PIWIL2: variants seen among roughly 807,000 people sequenced by gnomAD.
PIWIL2 encodes piwi-like protein 2.
Under a neutral mutation model 116.5 loss-of-function variants are expected in PIWIL2, and 81 were observed. The ratio of observed to expected loss-of-function variants is 0.70; its 90% confidence interval spans 0.58 to 0.84. The LOEUF is 0.84. Ranked by LOEUF, PIWIL2 falls within the 40% of genes least tolerant of loss-of-function variation. The probability of loss-of-function intolerance (pLI) is 0.00; values close to 1 mark genes in which losing one functional copy is unlikely to be tolerated. For synonymous variants in PIWIL2, 489 were observed against 429.5 expected, an observed-to-expected ratio of 1.14 and a Z score of -1.71; for missense variants, 1,272 against 1,212.3, an observed-to-expected ratio of 1.05 and a Z score of -0.73.
In PIWIL2 at chr8:22,339,649, A is replaced by G. The variant is rs376336924; in HGVS notation, c.2404-13310A>G. ...AAAAATCGATTTGATGAAAATTAAA[A>G]CCTTTTGTGCTTCAAAAGACACTAT... On this transcript the variant is annotated intron_variant, in intron 20 of 22. Transcript: ENST00000356766. Among the ~76,000 whole-genome samples the G allele has an allele frequency of 2.0e-5, 3 of 152,206 alleles. No individual in the cohort carries two copies. The East Asian group carries it at 5.8e-4, about 29-fold the overall frequency.
chr8:22,287,944 C>T (rs1830667115), intron 7 of PIWIL2, among the ~76,000 whole-genome samples: 1 of 152,138 alleles, frequency 6.6e-6, no homozygotes, highest in South Asian at 2.1e-4. Context: ...TCAAGAAGCA[C>T]CTTCTCACAT....
chr8:22,281,506 G>C lies in PIWIL2; in HGVS notation c.416G>C (p.Gly139Ala). ...GDSKMAETSV[G>A]WSRTLGRGSS... is the part of the protein sequence containing the mutation. ...AGCAAGATGGCAGAGACCTCCGTTG[G>C]TTGGAGTAGGTGGGTAAAGTTACCC... The change falls in exon 4 of 23, where the codon GGT (glycine) becomes GCT (alanine). Residue 139 changes from glycine to alanine, a missense_variant. By Grantham distance (60) the Gly-to-Ala change is moderately conservative. Coordinates refer to ENST00000356766, the MANE Select transcript of PIWIL2 (RefSeq NM_018068.5). 1 of 1,580,116 alleles carries C rather than the reference G, an allele frequency of 6.3e-7. No individual in the cohort carries two copies. Among genetic ancestry groups the C allele is most frequent in the Non-Finnish European group, 8.5e-7 (1 of 1,171,156 alleles).
At chr8:22,343,877 C>T (rs1407659482) in intron 20 of PIWIL2, among the ~76,000 whole-genome samples, 2 of 152,168 alleles carry the variant, frequency 1.3e-5, no homozygotes, top group African/African-American at 4.8e-5. Flanking sequence ...CCAACAATCA[C>T]GCTCCTTGAT....
chr8:22,301,600 T>G (rs867263905), intron 10 of PIWIL2, among the ~76,000 whole-genome samples: 2 of 152,210 alleles, frequency 1.3e-5, no homozygotes, highest in African/African-American at 4.8e-5. Context: ...GGCCCAGTGG[T>G]CTCTTTTAAG....
intron 20 of PIWIL2, among the ~76,000 whole-genome samples, chr8:22,347,783 T>G (rs748855814): frequency 3.3e-5 from 5 of 151,892 alleles, no homozygotes; most frequent in Non-Finnish European, 7.4e-5. Context: ...CACCTCGGCC[T>G]CCCAAAGTGC....
intron 1 of PIWIL2, chr8:22,275,879 G>C (rs991007473): frequency 6.6e-6 from 1 of 152,328 alleles, no homozygotes; most frequent in East Asian, 1.9e-4. Flanking sequence ...CCAAGTATCT[G>C]CTACCTGATC....
intron 20 of PIWIL2, among the ~76,000 whole-genome samples, chr8:22,345,662 T>C (rs1198584207): frequency 6.6e-6 from 1 of 152,050 alleles, no homozygotes; most frequent in East Asian, 1.9e-4. Flanking sequence ...AGACTCTGTC[T>C]CAAAAATATA....
At chr8:22,346,771 G>A (rs1832236056) in intron 20 of PIWIL2, among the ~76,000 whole-genome samples, 1 of 152,120 alleles carries the variant, frequency 6.6e-6, no homozygotes, top group Non-Finnish European at 1.5e-5. Context: ...AATAAGCCAG[G>A]CATAGTGGTG....
In PIWIL2 at chr8:22,283,206, C is replaced by A; in HGVS notation, c.598C>A (p.Arg200Ser). Residue 200 changes from arginine (R) to serine (S), a missense_variant, in exon 5 of 23, where the codon CGC becomes AGC. Arg to Ser is a moderately radical substitution (Grantham distance 110, BLOSUM62 -1). Coordinates refer to ENST00000356766, the MANE Select transcript of PIWIL2 (RefSeq NM_018068.5). ...CCAGTCTCCCCTGCACTCTCCAGAT[C>A]GCCCTCTGGTCCTGACTGTGGAACA... ...LPQSPLHSPDRPLVLTVEHKE... is the reference protein window; with the variant it reads ...LPQSPLHSPDSPLVLTVEHKE... 2 of 1,613,958 alleles carry A rather than the reference C, an allele frequency of 1.2e-6. No homozygotes were observed. The highest frequency in any genetic ancestry group is 1.7e-6 in the Non-Finnish European group (2 of 1,179,888).
rs1212598272 is a variant in PIWIL2 at position 22,353,018 on chromosome 8, A to G, written c.2463A>G (p.Gln821=). 3 of 1,613,644 alleles carry G rather than the reference A, an allele frequency of 1.9e-6. No individual in the cohort carries two copies. The highest frequency in any genetic ancestry group is 2.5e-6 in the Non-Finnish European group (3 of 1,179,514). The part of the protein sequence containing the change: ...VVYRDGVSDG[Q]LKTVANYEIP... The stretch of plus-strand genomic sequence containing the variant: ...ACCGTGATGGAGTGTCTGATGGCCA[A>G]CTGAAGACAGTTGCCAACTATGAGA... The change falls in exon 21 of 23, where the codon CAA becomes CAG. Residue 821 remains glutamine, a synonymous_variant. Coordinates refer to ENST00000356766, the MANE Select transcript of PIWIL2 (RefSeq NM_018068.5).
At chr8:22,314,213 C>A in intron 16 of PIWIL2, 115 bp from the exon 17 acceptor site, 1 of 464,556 alleles carries the variant, frequency 2.2e-6, no homozygotes. Context: ...TTTCAGTTCC[C>A]TGTCTTCCTT....
chr8:22,353,578 G>A (rs369635127), intron 21 of PIWIL2, among the ~76,000 whole-genome samples: 2 of 152,060 alleles, frequency 1.3e-5, no homozygotes, highest in African/African-American at 4.8e-5. Flanking sequence ...AACCTAGGAG[G>A]CGGAGGTTGC....
chr8:22,277,029 A>AT (rs1209083538), intron 1 of PIWIL2, among the ~76,000 whole-genome samples: 34 of 116,600 alleles, frequency 2.9e-4, no homozygotes, highest in African/African-American at 1.0e-3. Context: ...ATATATATAT[A>AT]TATATTTTTT....
At position 22,304,094 on chromosome 8, in the gene PIWIL2, A is replaced by T; in HGVS notation, c.1255A>T (p.Ile419Phe). Reference sequence around the variant, plus strand: ...TAAGCTTCTGGTTGGCAATATTGTTATCACCCGATATAACAATCGTACCTA... The same window carrying T: ...TAAGCTTCTGGTTGGCAATATTGTTTTCACCCGATATAACAATCGTACCTA... Reference protein sequence around the residue: ...CTKLLVGNIVITRYNNRTYRI... With the variant: ...CTKLLVGNIVFTRYNNRTYRI... Residue 419 changes from isoleucine to phenylalanine, a missense_variant, in exon 11 of 23, where the codon ATC becomes TTC. Physicochemically the swap from Ile to Phe is conservative, Grantham distance 21 (BLOSUM62 0). Transcript: ENST00000356766. 6.2e-7 allele frequency: 1 copy of T among 1,612,754 alleles called. No homozygotes were observed. Among genetic ancestry groups the T allele is most frequent in the South Asian group, 1.1e-5 (1 of 91,054 alleles).
rs748948190 is a variant in PIWIL2, at chr8:22,353,000, T to C, written c.2445T>C (p.Asp815=). ...CAGAGAAGATTGTGGTGTACCGTGA[T>C]GGAGTGTCTGATGGCCAACTGAAGA... ...CLPEKIVVYR[D]GVSDGQLKTV... is the part of the protein sequence containing the mutation. The change falls in exon 21 of 23, where the codon GAT becomes GAC. Residue 815 remains aspartate, a synonymous_variant. Transcript: ENST00000356766. 4.3e-6 allele frequency: 7 copies of C among 1,614,014 alleles called. No individual in the cohort carries two copies. In the South Asian group the frequency reaches 5.5e-5, roughly 13 times the overall value.
Position 22,313,323 on chromosome 8 carries a change from C to A in PIWIL2, c.1990-1005C>A, listed in dbSNP as rs145964371. ...GTGAAATGAACTAAAGAGGGTAACT[C>A]CTGTGACTGGAGATATAAACCCAGG... On this transcript the variant is annotated intron_variant, in intron 16 of 22. Coordinates refer to ENST00000356766, the MANE Select transcript of PIWIL2 (RefSeq NM_018068.5). Among the ~76,000 whole-genome samples the A allele has an allele frequency of 5.9e-3, 903 of 152,232 alleles. 9 individuals are homozygous for A. Among genetic ancestry groups the A allele is most frequent in the African/African-American group, 0.021 (864 of 41,522 alleles).
Position 22,318,165 on chromosome 8 carries a change from C to CCTAG in PIWIL2, c.2298-3_2298dup. 1.3e-6 allele frequency: 2 copies of CCTAG among 1,592,822 alleles called. No homozygotes were observed. The highest frequency in any genetic ancestry group is 1.1e-5 in the South Asian group (1 of 90,620). On this transcript the variant is annotated splice_polypyrimidine_tract_variant and splice_region_variant and intron_variant, in intron 19 of 22. Coordinates refer to ENST00000356766, the MANE Select transcript of PIWIL2 (RefSeq NM_018068.5). ...TCTCTGTCTCTCTGCTCACCCTGAC[C>CCTAG]CTAGCACCCTCACAAAATGGTATTC... is the stretch of plus-strand genomic sequence containing the variant.
chr8:22,283,227 G>A lies in PIWIL2; in HGVS notation c.619G>A (p.Glu207Lys), dbSNP rs748454789. The change falls in exon 5 of 23, where the codon GAA (glutamate) becomes AAA (lysine). Residue 207 changes from glutamate to lysine, a missense_variant. By Grantham distance (56) the Glu-to-Lys change is moderately conservative. Transcript: ENST00000356766. The part of the protein sequence containing the change: ...SPDRPLVLTV[E>K]HKEKELIVKQ... The stretch of plus-strand genomic sequence containing the variant: ...AGATCGCCCTCTGGTCCTGACTGTG[G>A]AACACAAGGAAAAGTAAGTCAGGAG... 1.2e-6 allele frequency: 2 copies of A among 1,613,372 alleles called. No homozygotes were observed. The highest frequency in any genetic ancestry group is 2.7e-5 in the African/African-American group (2 of 74,992).
In PIWIL2 at chr8:22,311,187, G is replaced by C. The variant is rs1329028581; in HGVS notation, c.1876G>C (p.Glu626Gln). The change falls in exon 16 of 23, where the codon GAG (glutamate) becomes CAG (glutamine). Residue 626 changes from glutamate (E) to glutamine (Q), a missense_variant. Coordinates refer to ENST00000356766, the MANE Select transcript of PIWIL2 (RefSeq NM_018068.5). The part of the protein sequence containing the change: ...DQARELVNML[E>Q]KIAGPIGMRM... ...GGCTCGAGAACTGGTCAACATGTTG[G>C]AGAAGATAGCCGGCCCCATTGGCAT... 15 of 1,614,202 alleles carry C rather than the reference G, an allele frequency of 9.3e-6. No homozygotes were observed. Among genetic ancestry groups the C allele is most frequent in the Non-Finnish European group, 1.3e-5 (15 of 1,180,030 alleles).
Sources: gnomAD v4.1 joint callset for allele counts (sites outside exome capture counted in the v4.1 genomes callset) on GRCh38, gnomAD v4.1.1 for gene constraint, MANE v1.5 for transcripts, NCBI Gene and HGNC (gene_info 2026-07-23, HGNC 2026-07-21) for gene names.